GDI2: variants seen among roughly 807,000 people sequenced by gnomAD.
The protein encoded by GDI2 is rab GDP dissociation inhibitor beta.
In GDI2, 22 loss-of-function variants were observed where a neutral mutation model predicts 54.2. The ratio of observed to expected loss-of-function variants is 0.41; its 90% CI spans 0.29 to 0.58. The LOEUF (loss-of-function observed/expected upper bound fraction) is 0.58. GDI2 is among the 20% of genes least tolerant of loss of function. The probability of loss-of-function intolerance (pLI) is 0.35; values close to 1 mark genes in which losing one functional copy is unlikely to be tolerated. For missense variants in GDI2, 422 were observed against 546.0 expected (o/e 0.77, Z 2.26); for synonymous variants, 177 against 182.1 (o/e 0.97, Z 0.23).
intron 2 of GDI2, among the ~76,000 whole-genome samples, chr10:5,800,084 G>A (rs1208318439): frequency 1.3e-5 from 2 of 152,018 alleles, no homozygotes; most frequent in Non-Finnish European, 2.9e-5. Flanking sequence ...CATATACGTA[G>A]GTGTTCAACA....
chr10:5,809,254 C>CA lies in GDI2; in HGVS notation c.45+3959dup, dbSNP rs1039669236. On this transcript the variant is annotated intron_variant, in intron 1 of 10. Transcript: ENST00000380191. ...AGTGAGACTCCATCTCAAAAAAAAA[C>CA]AAAAAAAAAAACTGTCAAAAGATAC... Among the ~76,000 whole-genome samples the CA allele has an allele frequency of 7.0e-3, 989 of 141,804 alleles. 3 individuals are homozygous for CA. Among genetic ancestry groups the CA allele is most frequent in the Non-Finnish European group, 0.011 (718 of 64,382 alleles). The allele number at this position is 141,804 out of a possible 152,430, so 93.0% of individuals were successfully genotyped here. A position where few individuals can be genotyped will look rare whatever the true frequency, so the allele number is the denominator to read the frequency against.
In GDI2 at chr10:5,786,184, T is replaced by TTG. The variant is rs1840871578; in HGVS notation, c.389-135_389-134insCA. 6.4e-6 allele frequency: 4 copies of TTG among 626,988 alleles called. No homozygotes were observed. In the Admixed American group the frequency reaches 1.2e-4, roughly 19 times the overall value. The allele number at this position is 626,988 out of a possible 1,614,324, so 38.8% of individuals were successfully genotyped here. ...GATGCAATTTTTTTTTTTTTTTTTT[T>TTG]TTTTGAGACAGAGTCTTGCTCTGTC... On this transcript the variant is annotated intron_variant, in intron 4 of 10. Transcript: ENST00000380191.
intron 7 of GDI2, among the ~76,000 whole-genome samples, chr10:5,772,735 C>T (rs373723170): frequency 2.0e-5 from 3 of 151,986 alleles, no homozygotes; most frequent in Non-Finnish European, 1.5e-5. Context: ...CCAGCCTCGG[C>T]GACAGAGCAA....
At chr10:5,810,073 A>G (rs1276882828) in intron 1 of GDI2, among the ~76,000 whole-genome samples, 1 of 152,246 alleles carries the variant, frequency 6.6e-6, no homozygotes, top group Non-Finnish European at 1.5e-5. Flanking sequence ...AAGATTAAGC[A>G]AATCCAAGAG....
chr10:5,804,799 G>A (rs1466939115), intron 1 of GDI2, among the ~76,000 whole-genome samples: 4 of 151,094 alleles, frequency 2.6e-5, no homozygotes, highest in East Asian at 1.9e-4. Flanking sequence ...AGACCAGAAC[G>A]TCTACATAAC....
chr10:5,792,839 T>A (rs1452887479), intron 4 of GDI2, among the ~76,000 whole-genome samples: 1 of 149,538 alleles, frequency 6.7e-6, no homozygotes, highest in African/African-American at 2.5e-5. Context: ...TCTGAAAAAA[T>A]CAGAGAAAAT....
rs968139187 is a variant in GDI2 at position 5,799,869 on chromosome 10, C to CA, written c.153+728dup. On this transcript the variant is annotated intron_variant, in intron 2 of 10. Coordinates refer to ENST00000380191, the MANE Select transcript of GDI2 (RefSeq NM_001494.4). ...ACTTTCAATGGATCAAAACCAGTAACAAAAAAAGAGACATGAAAAAAATAC... is the reference window on the plus strand; with the variant it reads ...ACTTTCAATGGATCAAAACCAGTAACAAAAAAAAGAGACATGAAAAAAATAC... 2.0e-5 allele frequency among the ~76,000 whole-genome samples: 3 copies of CA among 151,592 alleles called. No individual in the cohort carries two copies. The East Asian group carries it at 5.8e-4, about 29-fold the overall frequency.
At chr10:5,794,189 A>G (rs1841087408) in intron 4 of GDI2, among the ~76,000 whole-genome samples, 1 of 33,954 alleles carries the variant, frequency 2.9e-5, no homozygotes, top group South Asian at 1.6e-3. Context: ...AAAAAAAAAA[A>G]TATATATATA....
chr10:5,770,051 TAAA>T (rs1357001515), intron 7 of GDI2, among the ~76,000 whole-genome samples: 3 of 152,186 alleles, frequency 2.0e-5, no homozygotes, highest in South Asian at 2.1e-4. Context: ...TATTCAGCCT[TAAA>T]AAGGAAATTC....
intron 6 of GDI2, among the ~76,000 whole-genome samples, chr10:5,784,766 C>T (rs1340988831): frequency 6.6e-6 from 1 of 152,204 alleles, no homozygotes; most frequent in African/African-American, 2.4e-5. Flanking sequence ...TGCAAAGAGT[C>T]CTGTGATGTG....
At position 5,813,297 on chromosome 10, in the gene GDI2, A is replaced by G; in HGVS notation, c.-39T>C. Reference sequence around the variant, plus strand: ...CGGACGCAGGACCCGAGCAAGGAAAAGGCGCAGGGGCTCCGTGACCACCCT... The same window carrying G: ...CGGACGCAGGACCCGAGCAAGGAAAGGGCGCAGGGGCTCCGTGACCACCCT... On this transcript the variant is annotated 5_prime_UTR_variant, in exon 1 of 11. Coordinates refer to ENST00000380191, the MANE Select transcript of GDI2 (RefSeq NM_001494.4). 2.0e-6 allele frequency: 3 copies of G among 1,495,650 alleles called. No homozygotes were observed. Among genetic ancestry groups the G allele is most frequent in the Non-Finnish European group, 1.8e-6 (2 of 1,094,722 alleles). 92.6% of individuals were successfully genotyped at this position (1,495,650 alleles called of 1,614,324 possible).
chr10:5,769,134 CAATA>C (rs1840427133), intron 7 of GDI2: 1 of 151,604 alleles, frequency 6.6e-6, no homozygotes, highest in African/African-American at 2.4e-5. Context: ...TTTAAAAAAA[CAATA>C]AAGAAATTTT....
chr10:5,786,599 C>T (rs1416908761), intron 4 of GDI2, among the ~76,000 whole-genome samples: 1 of 133,716 alleles, frequency 7.5e-6, no homozygotes, highest in East Asian at 2.2e-4. Flanking sequence ...GTAATTAAAA[C>T]TACTACTTAA....
At chr10:5,808,878 C>T (rs1395609068) in intron 1 of GDI2, among the ~76,000 whole-genome samples, 1 of 152,090 alleles carries the variant, frequency 6.6e-6, no homozygotes, top group African/African-American at 2.4e-5. Flanking sequence ...AAGTATCTTA[C>T]AGCAACATAA....
intron 1 of GDI2, among the ~76,000 whole-genome samples, chr10:5,809,352 T>C (rs749090188): frequency 6.6e-6 from 1 of 152,106 alleles, no homozygotes; most frequent in Non-Finnish European, 1.5e-5. Context: ...AAGATAATTT[T>C]CACATTTCTT....
intron 2 of GDI2, among the ~76,000 whole-genome samples, chr10:5,798,530 A>C (rs1283788558): frequency 6.6e-6 from 1 of 151,866 alleles, no homozygotes; most frequent in East Asian, 1.9e-4. Flanking sequence ...TGGAGGTTGC[A>C]CTGAGCTAAG....
intron 6 of GDI2, among the ~76,000 whole-genome samples, chr10:5,784,663 C>T: frequency 6.6e-6 from 1 of 152,202 alleles, no homozygotes; most frequent in East Asian, 1.9e-4. Context: ...GATGGGGCTT[C>T]CTGAGAGCCA....
chr10:5,784,166 A>G (rs1019137929), intron 6 of GDI2, among the ~76,000 whole-genome samples: 14 of 151,776 alleles, frequency 9.2e-5, no homozygotes, highest in Admixed American at 3.3e-4. Context: ...GGCTAATTCA[A>G]AAGCCTTGTC....
intron 4 of GDI2, among the ~76,000 whole-genome samples, chr10:5,787,614 G>A (rs1179993716): frequency 6.6e-6 from 1 of 152,176 alleles, no homozygotes; most frequent in African/African-American, 2.4e-5. Flanking sequence ...TGTACACACA[G>A]TAAAGGCATA....
Sources: allele counts gnomAD v4.1 joint callset (sites outside exome capture counted in the v4.1 genomes callset), GRCh38; gene constraint gnomAD v4.1.1; transcripts MANE v1.5; gene names NCBI Gene and HGNC (gene_info 2026-07-23, HGNC 2026-07-21).